The following STK32B variants were observed in gnomAD, a reference collection of about 807,000 sequenced individuals.
STK32B encodes serine/threonine kinase 32B.
Under a neutral mutation model 52.6 loss-of-function variants are expected in STK32B, and 43 were observed. That is an observed-to-expected ratio of 0.82 (90% CI 0.64 to 1.05). STK32B has a LOEUF of 1.05. STK32B is among the 50% of genes least tolerant of loss of function. STK32B has a pLI of 0.00. For missense variants in STK32B, 621 were observed against 534.6 expected (o/e 1.16, Z -1.59); for synonymous variants, 238 against 204.3 (o/e 1.17, Z -1.41).
At chr4:5,174,792 T>A (rs891242921) in intron 3 of STK32B, among the ~76,000 whole-genome samples, 4 of 152,214 alleles carry the variant, frequency 2.6e-5, no homozygotes, top group African/African-American at 9.6e-5. Context: ...GGAGTTGCTC[T>A]TCTCGAGGAG....
At chr4:5,134,168 G>A (rs1020530770) in intron 1 of STK32B, among the ~76,000 whole-genome samples, 1 of 152,156 alleles carries the variant, frequency 6.6e-6, no homozygotes, top group African/African-American at 2.4e-5. Context: ...GAAGGGCATC[G>A]CAGGCCCAGA....
intron 3 of STK32B, among the ~76,000 whole-genome samples, chr4:5,236,770 T>G (rs565467996): frequency 6.6e-6 from 1 of 152,358 alleles, no homozygotes; most frequent in African/African-American, 2.4e-5. Flanking sequence ...ATTTATTTAT[T>G]CATTCTACTG....
At chr4:5,473,361 A>G (rs1487141240) in intron 11 of STK32B, among the ~76,000 whole-genome samples, 1 of 152,228 alleles carries the variant, frequency 6.6e-6, no homozygotes, top group Non-Finnish European at 1.5e-5. Flanking sequence ...CAATGCACCC[A>G]ATGGGCAGTG....
At chr4:5,322,032 TG>T (rs1169744800) in intron 3 of STK32B, among the ~76,000 whole-genome samples, 5 of 22,414 alleles carry the variant, frequency 2.2e-4, no homozygotes, top group African/African-American at 7.9e-4. Flanking sequence ...GTGGTGGGAG[TG>T]GGGGTGGGGG....
chr4:5,267,672 C>A lies in STK32B; in HGVS notation c.261-63548C>A, dbSNP rs116810547. Among the ~76,000 whole-genome samples, 590 of 152,288 alleles carry A rather than the reference C, an allele frequency of 3.9e-3. 4 individuals carry two copies. Among genetic ancestry groups the A allele is most frequent in the African/African-American group, 0.013 (530 of 41,554 alleles). On this transcript the variant is annotated intron_variant, in intron 3 of 11. Coordinates refer to ENST00000282908, the MANE Select transcript of STK32B (RefSeq NM_018401.3). ...CATATATTCTGGTTATGCAAGTCTC[C>A]TGATGTCTCATCCAGTCTCACAGCC...
Position 5,348,164 on chromosome 4 carries a change from C to A in STK32B, c.434+16771C>A, listed in dbSNP as rs114895654. On this transcript the variant is annotated intron_variant, in intron 4 of 11. Transcript: ENST00000282908. ...ATGCTGGAAAATAAAAAGTGAGAGACCCCTCAGGGGTCCAGATTCCCACAA... is the reference window on the plus strand; with the variant it reads ...ATGCTGGAAAATAAAAAGTGAGAGAACCCTCAGGGGTCCAGATTCCCACAA... Among the ~76,000 whole-genome samples the A allele has an allele frequency of 5.2e-3, 790 of 152,226 alleles. 3 individuals are homozygous for A. The highest frequency in any genetic ancestry group is 0.01 in the Admixed American group (156 of 15,304).
chr4:5,230,062 G>C (rs1249249836), intron 3 of STK32B, among the ~76,000 whole-genome samples: 1 of 151,544 alleles, frequency 6.6e-6, no homozygotes, highest in Non-Finnish European at 1.5e-5. Flanking sequence ...GCGTGATCTT[G>C]GCTCACTGCA....
chr4:5,296,350 T>C (rs1167573941), intron 3 of STK32B, among the ~76,000 whole-genome samples: 6 of 152,172 alleles, frequency 3.9e-5, no homozygotes. Flanking sequence ...CTGTCTAATA[T>C]GGAAAGTGAG....
intron 11 of STK32B, among the ~76,000 whole-genome samples, chr4:5,493,724 A>G: frequency 6.6e-6 from 1 of 152,130 alleles, no homozygotes; most frequent in Non-Finnish European, 1.5e-5. Context: ...TTAGTGCTAT[A>G]AATTTCCCTC....
At chr4:5,106,851 T>C (rs1339199632) in intron 1 of STK32B, among the ~76,000 whole-genome samples, 1 of 152,238 alleles carries the variant, frequency 6.6e-6, no homozygotes, top group East Asian at 1.9e-4. Context: ...TTTGTTCCCC[T>C]GGCCCTTAAA....
chr4:5,377,200 C>G (rs1172687316), intron 4 of STK32B, among the ~76,000 whole-genome samples: 3 of 152,098 alleles, frequency 2.0e-5, no homozygotes, highest in Non-Finnish European at 4.4e-5. Context: ...TTTAAAAATA[C>G]CCAACCCCAA....
chr4:5,433,387 G>A (rs1384311754), intron 6 of STK32B, among the ~76,000 whole-genome samples: 2 of 152,134 alleles, frequency 1.3e-5, no homozygotes, highest in Non-Finnish European at 2.9e-5. Context: ...GTGCCCATGG[G>A]ACCTGTAGGT....
chr4:5,147,773 TATG>T (rs1296925352), intron 2 of STK32B, among the ~76,000 whole-genome samples: 1 of 152,032 alleles, frequency 6.6e-6, no homozygotes, highest in African/African-American at 2.4e-5. Flanking sequence ...CCCACTTGAA[TATG>T]ATACCTTATT....
rs567401959 is a variant in STK32B at position 5,383,035 on chromosome 4, C to T, written c.435-15172C>T. 7.2e-5 allele frequency among the ~76,000 whole-genome samples: 11 copies of T among 152,138 alleles called. No homozygotes were observed. In the East Asian group the frequency reaches 1.3e-3, roughly 19 times the overall value. On this transcript the variant is annotated intron_variant, in intron 4 of 11. Transcript: ENST00000282908. ...AGCAATTCTTAAAATATTAATTCAC[C>T]GGAAAGGTCTCCACGTCGACTCTGC...
Position 5,051,761 on chromosome 4 carries a change from G to T in STK32B, c.-103G>T. The T allele has an allele frequency of 1.3e-6, 2 of 1,506,114 alleles. No individual in the cohort carries two copies. The highest frequency in any genetic ancestry group is 1.8e-6 in the Non-Finnish European group (2 of 1,117,336). The allele number at this position is 1,506,114 out of a possible 1,614,324, so 93.3% of individuals were successfully genotyped here. On this transcript the variant is annotated 5_prime_UTR_variant, in exon 1 of 12. Transcript: ENST00000282908. The stretch of plus-strand genomic sequence containing the variant: ...CGGGCTCCGCGCGCGGCTACAACCC[G>T]GACTGGGCGCGCCCCCGGCATCCCG...
chr4:5,312,251 C>G (rs1015793409), intron 3 of STK32B, among the ~76,000 whole-genome samples: 2 of 126,952 alleles, frequency 1.6e-5, no homozygotes, highest in Admixed American at 1.4e-4. Flanking sequence ...TTACCGCTTA[C>G]GTTTAGTTTT....
At chr4:5,117,694 C>G (rs1714815595) in intron 1 of STK32B, among the ~76,000 whole-genome samples, 2 of 151,966 alleles carry the variant, frequency 1.3e-5, no homozygotes, top group African/African-American at 4.8e-5. Context: ...TCTAGCATAA[C>G]ATTTGCTTTT....
intron 2 of STK32B, among the ~76,000 whole-genome samples, chr4:5,158,286 G>C (rs75926239): frequency 0.015 from 2,318 of 152,202 alleles, 60 homozygotes; most frequent in African/African-American, 0.053. Flanking sequence ...GGGCACCAAG[G>C]GGGCCAGTGG....
intron 1 of STK32B, among the ~76,000 whole-genome samples, chr4:5,125,428 C>G (rs919946377): frequency 1.3e-5 from 2 of 152,232 alleles, no homozygotes; most frequent in African/African-American, 4.8e-5. Context: ...TCCAGCCCCC[C>G]TCCCTGAGCA....
Sources: gnomAD v4.1 joint callset for allele counts (sites outside exome capture counted in the v4.1 genomes callset) on GRCh38, gnomAD v4.1.1 for gene constraint, MANE v1.5 for transcripts, NCBI Gene and HGNC (gene_info 2026-07-23, HGNC 2026-07-21) for gene names.